Variants in NFKB1 observed in about 807,000 individuals in gnomAD.
NFKB1 encodes the protein nuclear factor NF-kappa-B p105 subunit.
NFKB1 carries 9 observed loss-of-function variants against 105.1 expected under a neutral mutation model. The ratio of observed to expected loss-of-function variants is 0.09; its 90% CI spans 0.05 to 0.15. The LOEUF (loss-of-function observed/expected upper bound fraction) is 0.15, where lower values mean the gene tolerates loss of function less well. Ranked by LOEUF, NFKB1 falls within the 10% of genes least tolerant of loss-of-function variation. The pLI is 1.00. For missense variants in NFKB1, 830 were observed against 1,203.7 expected (o/e 0.69, Z 4.59); for synonymous variants, 440 against 442.2 (o/e 1.00, Z 0.06).
At position 102,597,651 on chromosome 4, in the gene NFKB1, A is replaced by C. The variant is rs1158531427; in HGVS notation, c.1627A>C (p.Asn543His). ...CCATCTCACTGCTGTGCAGGATGAG[A>C]ATGGGGACAGGTAAGTCAGAACTTT... ...QRHLTAVQDE[N>H]GDSVLHLAII... is the part of the protein sequence containing the mutation. The change falls in exon 15 of 24, where the codon AAT (asparagine) becomes CAT (histidine). Residue 543 changes from asparagine (N) to histidine (H), a missense_variant. Physicochemically the swap from Asn to His is moderately conservative, Grantham distance 68. Around this residue, in one of 8 missense-constraint regions of NFKB1, gnomAD observed 418 missense variants for 575.3 expected, o/e 0.73. Transcript: ENST00000226574. The C allele has an allele frequency of 6.2e-7, 1 of 1,612,026 alleles. No homozygotes were observed.
intron 1 of NFKB1, among the ~76,000 whole-genome samples, chr4:102,511,806 C>T (rs1419684847): frequency 1.3e-5 from 2 of 152,176 alleles, no homozygotes; most frequent in African/African-American, 2.4e-5. Context: ...AAGGTGAACA[C>T]GTTTAACCTA....
intron 3 of NFKB1, among the ~76,000 whole-genome samples, chr4:102,530,727 A>T (rs558088762): frequency 2.6e-5 from 4 of 152,088 alleles, no homozygotes; most frequent in Non-Finnish European, 4.4e-5. Flanking sequence ...CATTTGTATT[A>T]TTCTCATTTA....
chr4:102,576,996 T>A lies in NFKB1; in HGVS notation c.528T>A (p.Leu176=). The change falls in exon 7 of 24, where the codon CTT becomes CTA. Residue 176 remains leucine, a synonymous_variant. Coordinates refer to ENST00000226574, the MANE Select transcript of NFKB1 (RefSeq NM_003998.4). ...YNPGLLVHPD[L]AYLQAEGGGD... ...CTGGACTCTTGGTGCACCCTGACCT[T>A]GCCTATTTGCAAGCAGAAGGTGGAG... 3 of 1,613,118 alleles carry A rather than the reference T, an allele frequency of 1.9e-6. No individual in the cohort carries two copies. Among genetic ancestry groups the A allele is most frequent in the Non-Finnish European group, 2.5e-6 (3 of 1,179,766 alleles).
intron 16 of NFKB1, among the ~76,000 whole-genome samples, chr4:102,603,376 C>T (rs1282764040): frequency 1.5e-5 from 2 of 137,006 alleles, no homozygotes; most frequent in Non-Finnish European, 3.2e-5. Context: ...TGGCCAGTAG[C>T]TATGATTTTT....
intron 5 of NFKB1, among the ~76,000 whole-genome samples, chr4:102,538,716 GATAAAC>G (rs1741799505): frequency 6.6e-6 from 1 of 152,166 alleles, no homozygotes; most frequent in African/African-American, 2.4e-5. Context: ...ACTGACTGAT[GATAAAC>G]ATAGACTGGT....
intron 4 of NFKB1, among the ~76,000 whole-genome samples, chr4:102,535,033 G>T (rs1193985799): frequency 6.6e-6 from 1 of 152,142 alleles, no homozygotes; most frequent in Non-Finnish European, 1.5e-5. Context: ...TTGGGGCATG[G>T]TTCTAGTTCT....
At position 102,594,918 on chromosome 4, in the gene NFKB1, C is replaced by T. The variant is rs1163517867; in HGVS notation, c.1237C>T (p.Pro413Ser). 2 of 1,611,434 alleles carry T rather than the reference C, an allele frequency of 1.2e-6. No homozygotes were observed. The highest frequency in any genetic ancestry group is 1.7e-6 in the Non-Finnish European group (2 of 1,178,186). The change falls in exon 13 of 24, where the codon CCT becomes TCT. Residue 413 changes from proline (P) to serine (S), a missense_variant. Coordinates refer to ENST00000226574, the MANE Select transcript of NFKB1 (RefSeq NM_003998.4). Reference protein sequence around the residue: ...PGYSFPHYGFPTYGGITFHPG... With the variant: ...PGYSFPHYGFSTYGGITFHPG... ...GTATAGCTTCCCACACTATGGATTT[C>T]CTACTTATGGTGGGATTACTTTCCA...
intron 21 of NFKB1, 40 bp downstream of exon 21, chr4:102,612,150 TCTC>T: frequency 6.5e-6 from 10 of 1,536,110 alleles, no homozygotes; most frequent in Non-Finnish European, 9.0e-6. Flanking sequence ...ACCATTATTA[TCTC>T]CACACTGTCA....
rs1365755338 is a variant in NFKB1 at position 102,501,625 on chromosome 4, G to A, written c.-171G>A. On this transcript the variant is annotated 5_prime_UTR_variant, in exon 1 of 24. Transcript: ENST00000226574. The stretch of plus-strand genomic sequence containing the variant: ...CTGCGGCCATGGCGCGGCGCTGACT[G>A]GCCTGGCCCGGCCCCGCCGCGCTCC... The A allele has an allele frequency of 6.7e-6, 1 of 148,726 alleles. No individual in the cohort carries two copies. The highest frequency in any genetic ancestry group is 2.1e-4 in the South Asian group (1 of 4,840). The allele number at this position is 148,726 out of a possible 1,614,324, so 9.2% of individuals were successfully genotyped here. A position where few individuals can be genotyped will look rare whatever the true frequency, so the allele number is the denominator to read the frequency against.
intron 1 of NFKB1, chr4:102,503,330 C>T (rs1188924003): frequency 6.6e-6 from 1 of 151,778 alleles, no homozygotes; most frequent in Non-Finnish European, 1.5e-5. Context: ...TAAATGCCCT[C>T]CCCTGCTTGT....
chr4:102,589,363 A>G (rs556177030), intron 11 of NFKB1, among the ~76,000 whole-genome samples: 1 of 152,340 alleles, frequency 6.6e-6, no homozygotes, highest in African/African-American at 2.4e-5. Context: ...CCGATGGGGA[A>G]ATTATAAATC....
intron 9 of NFKB1, among the ~76,000 whole-genome samples, chr4:102,582,176 T>C: frequency 6.6e-6 from 1 of 152,236 alleles, no homozygotes; most frequent in Non-Finnish European, 1.5e-5. Context: ...CTGATTATTA[T>C]AGTATTTTGA....
intron 5 of NFKB1, among the ~76,000 whole-genome samples, chr4:102,561,751 G>A (rs1723462440): frequency 6.6e-6 from 1 of 152,140 alleles, no homozygotes; most frequent in African/African-American, 2.4e-5. Context: ...GGCTGTTGTG[G>A]GGATTATCTG....
At chr4:102,577,943 G>A (rs1023521305) in intron 7 of NFKB1, 50 of 985,196 alleles carry the variant, frequency 5.1e-5, no homozygotes, top group East Asian at 1.1e-4. Context: ...TTGCTGCTCC[G>A]TGTCTCCGTT....
chr4:102,584,860 T>C (rs916625224), intron 11 of NFKB1, 40 bp downstream of exon 11: 13 of 1,542,166 alleles, frequency 8.4e-6, no homozygotes, highest in Admixed American at 4.0e-5. Context: ...ATATTTTATT[T>C]TATTTTATTT....
chr4:102,551,367 T>TGTGTGTGTGTGTGTGTGCGCGCGCGC (rs370790173), intron 5 of NFKB1, among the ~76,000 whole-genome samples: 1 of 150,094 alleles, frequency 6.7e-6, no homozygotes, highest in Non-Finnish European at 1.5e-5. Context: ...TGTGTGTGTG[T>TGTGTGTGTGTGTGTGTGCGCGCGCGC]GCGCGCGCGC....
intron 1 of NFKB1, among the ~76,000 whole-genome samples, chr4:102,509,075 A>G (rs1357523019): frequency 6.6e-6 from 1 of 152,192 alleles, no homozygotes; most frequent in Admixed American, 6.5e-5. Context: ...TTATGAAAAA[A>G]CACTTTAGAA....
intron 5 of NFKB1, among the ~76,000 whole-genome samples, chr4:102,540,681 G>A (rs1164795517): frequency 1.3e-5 from 2 of 152,084 alleles, no homozygotes; most frequent in African/African-American, 4.8e-5. Context: ...AAATTGAAAT[G>A]GTTCTGCTGT....
chr4:102,553,133 T>C (rs1722744319), intron 5 of NFKB1, among the ~76,000 whole-genome samples: 1 of 152,188 alleles, frequency 6.6e-6, no homozygotes, highest in Admixed American at 6.6e-5. Flanking sequence ...GTTAATTGGC[T>C]TTGTTCCCAA....
Sources: gnomAD v4.1 joint callset for allele counts (sites outside exome capture counted in the v4.1 genomes callset) on GRCh38, gnomAD v4.1.1 for gene constraint, gnomAD v4.1.1 regional missense constraint, MANE v1.5 for transcripts, NCBI Gene and HGNC (gene_info 2026-07-23, HGNC 2026-07-21) for gene names.